LMO3: variants seen among roughly 807,000 people sequenced by gnomAD.
LMO3 encodes the protein LIM domain only protein 3.
In LMO3, 2 loss-of-function variants were observed where a neutral mutation model predicts 15.8. That is an observed-to-expected ratio of 0.13 (90% CI 0.05 to 0.40). The LOEUF is 0.40. Ranked by LOEUF, LMO3 falls within the 10% of genes least tolerant of loss-of-function variation. The pLI, the probability that LMO3 is intolerant of heterozygous loss-of-function variation, is 0.99. For missense variants in LMO3, 86 were observed against 182.2 expected (o/e 0.47, Z 3.04); for synonymous variants, 62 against 63.8 (o/e 0.97, Z 0.13).
At chr12:16,607,274 T>C (rs1487141662), upstream of LMO3, 2 of 152,354 alleles carry the variant, frequency 1.3e-5, no homozygotes, top group Non-Finnish European at 2.9e-5. Flanking sequence ...CTTCCTGCAA[T>C]TACTTGAATT....
intron 1 of LMO3, 74 bp downstream of exon 1, chr12:16,605,992 A>C (rs1591839919): frequency 1.6e-6 from 1 of 631,744 alleles, no homozygotes; most frequent in East Asian, 2.8e-5. Context: ...CCACATCCGC[A>C]CACGCACGCG....
intron 2 of LMO3, among the ~76,000 whole-genome samples, chr12:16,592,458 G>C (rs1045705682): frequency 6.6e-6 from 1 of 151,972 alleles, no homozygotes; most frequent in African/African-American, 2.4e-5. Flanking sequence ...AATATTTATA[G>C]ACTCTAAAAT....
chr12:16,600,563 G>A lies in LMO3; in HGVS notation c.206+92C>T, dbSNP rs116394176. ...CTTCTTTCAGGAATATAAGCTGGCA[G>A]TAAGGAAATGAAACAAGCAAACAAA... On this transcript the variant is annotated intron_variant, in intron 2 of 3. Coordinates refer to ENST00000537304, the MANE Select transcript of LMO3 (RefSeq NM_018640.5). 7.9e-4 allele frequency: 850 copies of A among 1,073,148 alleles called. 6 individuals carry two copies. The African/African-American group carries it at 0.012, about 15-fold the overall frequency. 66.5% of individuals were successfully genotyped at this position (1,073,148 alleles called of 1,614,324 possible). A position where few individuals can be genotyped will look rare whatever the true frequency, so the allele number is the denominator to read the frequency against.
chr12:16,598,875 A>G lies in LMO3; in HGVS notation c.206+1780T>C, dbSNP rs759924540. 8.4e-6 allele frequency: 2 copies of G among 236,710 alleles called. No homozygotes were observed. The highest frequency in any genetic ancestry group is 1.8e-5 in the Non-Finnish European group (2 of 112,778). 14.7% of individuals were successfully genotyped at this position (236,710 alleles called of 1,614,324 possible). A position where few individuals can be genotyped will look rare whatever the true frequency, so the allele number is the denominator to read the frequency against. On this transcript the variant is annotated intron_variant, in intron 2 of 3. Coordinates refer to ENST00000537304, the MANE Select transcript of LMO3 (RefSeq NM_018640.5). The surrounding 1 kb of genome is among the most constrained non-coding windows in gnomAD (Gnocchi z 4.3). ...AGTTGACATTCTTTCAAGTTTACTT[A>G]ATTTTTGTCCTTTGGTTTATTAAAA...
At position 16,577,564 on chromosome 12, in the gene LMO3, TAAAAC is replaced by T. The variant is rs534493910; in HGVS notation, c.207-17031_207-17027del. Among the ~76,000 whole-genome samples the T allele has an allele frequency of 7.9e-4, 120 of 152,264 alleles. No individual in the cohort carries two copies. In the South Asian group the frequency reaches 0.023, roughly 29 times the overall value. On this transcript the variant is annotated intron_variant, in intron 2 of 3. Transcript: ENST00000537304. Reference sequence around the variant, plus strand: ...ATTTTCTACTAGATGTTGTATATAATAAAACAAATAAGAATTTCCCCTGTTCACAA... The same window carrying T: ...ATTTTCTACTAGATGTTGTATATAATAAATAAGAATTTCCCCTGTTCACAA...
intron 2 of LMO3, among the ~76,000 whole-genome samples, chr12:16,588,571 T>C (rs1228393342): frequency 6.6e-6 from 1 of 152,196 alleles, no homozygotes; most frequent in Admixed American, 6.5e-5. Context: ...GGAAATAGAA[T>C]TTTCAGTAAT....
At chr12:16,566,869 G>A (rs372911125) in intron 2 of LMO3, among the ~76,000 whole-genome samples, 1 of 152,170 alleles carries the variant, frequency 6.6e-6, no homozygotes, top group African/African-American at 2.4e-5. Context: ...AAGAGAAGAA[G>A]AATTAAGTTA....
chr12:16,575,654 A>G (rs1565495475), intron 2 of LMO3, among the ~76,000 whole-genome samples: 1 of 152,132 alleles, frequency 6.6e-6, no homozygotes, highest in African/African-American at 2.4e-5. Context: ...AGCGTCACAT[A>G]GATAGATAAT....
chr12:16,575,048 G>A (rs1942949408), intron 2 of LMO3, among the ~76,000 whole-genome samples: 2 of 151,932 alleles, frequency 1.3e-5, no homozygotes, highest in South Asian at 2.1e-4. Flanking sequence ...AAGAAAAGGT[G>A]TTTTCGTTTG....
At chr12:16,592,949 G>T (rs575330867) in intron 2 of LMO3, among the ~76,000 whole-genome samples, 2 of 151,788 alleles carry the variant, frequency 1.3e-5, no homozygotes, top group Admixed American at 1.3e-4. Flanking sequence ...TAGAAACTAG[G>T]AGTAAAGTAA....
At chr12:16,564,573 C>T (rs576902682) in intron 2 of LMO3, among the ~76,000 whole-genome samples, 2 of 152,182 alleles carry the variant, frequency 1.3e-5, no homozygotes, top group African/African-American at 4.8e-5. Context: ...TTTTATTTCA[C>T]AGCACCAGAT....
rs575621200 is a variant in LMO3, at chr12:16,585,440, C to T, written c.206+15215G>A. Among the ~76,000 whole-genome samples, 1 of 152,314 alleles carries T rather than the reference C, an allele frequency of 6.6e-6. No homozygotes were observed. The highest frequency in any genetic ancestry group is 2.1e-4 in the South Asian group (1 of 4,826). ...TATTTTTGCTACCATCTTCATCCTACACAGTGAGCATAAATGTTGTTTCAA... is the reference window on the plus strand; with the variant it reads ...TATTTTTGCTACCATCTTCATCCTATACAGTGAGCATAAATGTTGTTTCAA... On this transcript the variant is annotated intron_variant, in intron 2 of 3. Coordinates refer to ENST00000537304, the MANE Select transcript of LMO3 (RefSeq NM_018640.5). The surrounding 1 kb of genome is among the most constrained non-coding windows in gnomAD (Gnocchi z 4.7).
At chr12:16,558,318 A>G (rs1336019074) in intron 3 of LMO3, among the ~76,000 whole-genome samples, 1 of 152,064 alleles carries the variant, frequency 6.6e-6, no homozygotes, top group African/African-American at 2.4e-5. Context: ...TCTATTTTCT[A>G]AATTTCCTAC....
At chr12:16,608,808 G>A (rs1944077191), upstream of LMO3, 1 of 152,062 alleles carries the variant, frequency 6.6e-6, no homozygotes, top group South Asian at 2.1e-4. This position sits in a 1 kb window ranked among gnomAD's most constrained non-coding sequence, Gnocchi z 4.1. Flanking sequence ...GAATAAAATG[G>A]AATAGTTAAC....
At chr12:16,571,949 G>T (rs1170858079) in intron 2 of LMO3, among the ~76,000 whole-genome samples, 1 of 151,764 alleles carries the variant, frequency 6.6e-6, no homozygotes, top group Non-Finnish European at 1.5e-5. Context: ...ATCCTTAAAA[G>T]GATTTTTGCA....
intron 2 of LMO3, among the ~76,000 whole-genome samples, chr12:16,562,752 A>G (rs1942448007): frequency 6.6e-6 from 1 of 152,222 alleles, no homozygotes; most frequent in Non-Finnish European, 1.5e-5. Context: ...GGCAATCTGC[A>G]TAATTACAAG....
chr12:16,594,627 A>G (rs1393833004), intron 2 of LMO3, among the ~76,000 whole-genome samples: 1 of 151,632 alleles, frequency 6.6e-6, no homozygotes, highest in African/African-American at 2.4e-5. Flanking sequence ...CCAAATACCA[A>G]AATAAGACTT....
At chr12:16,573,790 TC>T in intron 2 of LMO3, 1 of 152,244 alleles carries the variant, frequency 6.6e-6, no homozygotes, top group East Asian at 1.9e-4. Flanking sequence ...GAGAAGTTGA[TC>T]GGGGGTAGAG....
rs1383153126 is a variant in LMO3 at position 16,597,637 on chromosome 12, C to T, written c.206+3018G>A. 2 of 151,988 alleles carry T rather than the reference C, an allele frequency of 1.3e-5. No homozygotes were observed. Among genetic ancestry groups the T allele is most frequent in the East Asian group, 3.9e-4 (2 of 5,172 alleles). The allele number at this position is 151,988 out of a possible 1,614,324, so 9.4% of individuals were successfully genotyped here. ...ACAATATATGTGGACAGGCAAATTA[C>T]TATTTTATTACTTTCCTTATTCTTA... On this transcript the variant is annotated intron_variant, in intron 2 of 3. Transcript: ENST00000537304. This position sits in a 1 kb window ranked among gnomAD's most constrained non-coding sequence, Gnocchi z 5.0.
Sources: gnomAD v4.1 joint callset for allele counts (sites outside exome capture counted in the v4.1 genomes callset) on GRCh38, gnomAD v4.1.1 for gene constraint, Gnocchi (gnomAD v3.1) non-coding constraint, MANE v1.5 for transcripts, NCBI Gene and HGNC (gene_info 2026-07-23, HGNC 2026-07-21) for gene names.